IQCJ: variants seen among roughly 807,000 people sequenced by gnomAD.
IQCJ encodes the protein IQ motif containing J.
Under a neutral mutation model 11.0 loss-of-function variants are expected in IQCJ, and 9 were observed. The observed-to-expected ratio is 0.82, with a 90% CI of 0.49 to 1.43. IQCJ has a LOEUF of 1.43. IQCJ is among the 40% of genes most tolerant of loss of function. IQCJ has a pLI of 0.00. For synonymous variants in IQCJ, 55 were observed against 51.3 expected, an observed-to-expected ratio of 1.07 and a Z score of -0.31; for missense variants, 146 against 133.2, an observed-to-expected ratio of 1.10 and a Z score of -0.47.
intron 1 of IQCJ, among the ~76,000 whole-genome samples, chr3:159,224,234 C>A (rs1425611091): frequency 2.6e-5 from 4 of 151,944 alleles, no homozygotes; most frequent in Non-Finnish European, 5.9e-5. Flanking sequence ...CTCCCACTGC[C>A]CCAAAGTAGA....
chr3:159,234,231 C>T (rs1726440769), intron 1 of IQCJ, among the ~76,000 whole-genome samples: 1 of 152,146 alleles, frequency 6.6e-6, no homozygotes, highest in African/African-American at 2.4e-5. Context: ...TTTTATAAGG[C>T]TTCTGTGATA....
intron 1 of IQCJ, among the ~76,000 whole-genome samples, chr3:159,233,675 A>T (rs981052674): frequency 2.0e-5 from 3 of 152,200 alleles, no homozygotes; most frequent in African/African-American, 7.2e-5. Context: ...AAGGAGTCAC[A>T]CAGCCCAAGA....
At chr3:159,247,131 C>T (rs1369045983) in intron 2 of IQCJ, among the ~76,000 whole-genome samples, 8 of 152,194 alleles carry the variant, frequency 5.3e-5, no homozygotes, top group Admixed American at 5.2e-4. Flanking sequence ...GAGTCTCACT[C>T]TGTTGCCCAG....
At chr3:159,247,417 C>T (rs1319911294) in intron 2 of IQCJ, among the ~76,000 whole-genome samples, 1 of 152,116 alleles carries the variant, frequency 6.6e-6, no homozygotes, top group East Asian at 1.9e-4. Context: ...TTCTATGTGA[C>T]ATGGGATCCT....
At chr3:159,183,229 A>G (rs1267105588) in intron 1 of IQCJ, among the ~76,000 whole-genome samples, 1 of 152,218 alleles carries the variant, frequency 6.6e-6, no homozygotes, top group Non-Finnish European at 1.5e-5. Flanking sequence ...TTATTTTTCT[A>G]TTGCATATGT....
At chr3:159,252,055 G>C (rs2108213250) in intron 2 of IQCJ, among the ~76,000 whole-genome samples, 1 of 152,072 alleles carries the variant, frequency 6.6e-6, no homozygotes, top group Non-Finnish European at 1.5e-5. Flanking sequence ...AATATCCTTT[G>C]AATGTTTTCA....
chr3:159,159,703 T>G (rs956865720), intron 1 of IQCJ, among the ~76,000 whole-genome samples: 7 of 152,220 alleles, frequency 4.6e-5, no homozygotes, highest in South Asian at 4.1e-4. Context: ...TGACCTCTAA[T>G]GTTGGCCATG....
intron 1 of IQCJ, among the ~76,000 whole-genome samples, chr3:159,137,929 T>A (rs1228380938): frequency 6.6e-6 from 1 of 152,256 alleles, no homozygotes; most frequent in Non-Finnish European, 1.5e-5. Flanking sequence ...TTTCTGTATA[T>A]CTGTATAGCT....
chr3:159,234,194 G>C (rs1388401487), intron 1 of IQCJ, among the ~76,000 whole-genome samples: 2 of 152,098 alleles, frequency 1.3e-5, no homozygotes, highest in African/African-American at 4.8e-5. Flanking sequence ...TCCAAGAAAT[G>C]GGAATAATAA....
rs890512102 is a variant in IQCJ, at chr3:159,210,274, T to C, written c.10-35569T>C. Among the ~76,000 whole-genome samples, 4 of 152,346 alleles carry C rather than the reference T, an allele frequency of 2.6e-5. No homozygotes were observed. The East Asian group carries it at 5.8e-4, about 22-fold the overall frequency. The stretch of plus-strand genomic sequence containing the variant: ...CAACAATTTGAAACAATGTCAGTAA[T>C]AAAATGATCCTCCCCACAAATCTTT... On this transcript the variant is annotated intron_variant, in intron 1 of 3. Transcript: ENST00000397832.
At chr3:159,140,011 A>G (rs751237991) in intron 1 of IQCJ, among the ~76,000 whole-genome samples, 2 of 152,204 alleles carry the variant, frequency 1.3e-5, no homozygotes, top group Non-Finnish European at 2.9e-5. Flanking sequence ...AATTTTTTAT[A>G]GAAGTTTTAG....
At chr3:159,113,945 T>C (rs561562762) in intron 1 of IQCJ, among the ~76,000 whole-genome samples, 2 of 152,306 alleles carry the variant, frequency 1.3e-5, no homozygotes, top group African/African-American at 4.8e-5. Context: ...CATCAGACAA[T>C]AGAAAGTCAA....
In IQCJ at chr3:159,069,393, C is replaced by T; in HGVS notation, c.-40C>T. ...GGAATACAGTGTGCCAGCATCCGATCCAGTCTCCTTTCACCTGCAGGTGTT... is the reference window on the plus strand; with the variant it reads ...GGAATACAGTGTGCCAGCATCCGATTCAGTCTCCTTTCACCTGCAGGTGTT... On this transcript the variant is annotated 5_prime_UTR_variant, in exon 1 of 4. Coordinates refer to ENST00000397832, the MANE Select transcript of IQCJ (RefSeq NM_001042706.3). The T allele has an allele frequency of 6.3e-7, 1 of 1,598,492 alleles. No homozygotes were observed. The highest frequency in any genetic ancestry group is 8.5e-7 in the Non-Finnish European group (1 of 1,174,632).
intron 1 of IQCJ, among the ~76,000 whole-genome samples, chr3:159,144,271 T>A (rs1720792823): frequency 6.6e-6 from 1 of 152,196 alleles, no homozygotes; most frequent in Non-Finnish European, 1.5e-5. Flanking sequence ...CCAAGCCTCT[T>A]GAACCTTTGT....
intron 1 of IQCJ, among the ~76,000 whole-genome samples, chr3:159,234,619 C>A (rs551652309): frequency 6.6e-6 from 1 of 152,178 alleles, no homozygotes; most frequent in East Asian, 1.9e-4. Flanking sequence ...GCCTGTATAA[C>A]CCTGTCTCTA....
In IQCJ at chr3:159,245,907, A is replaced by C; in HGVS notation, c.74A>C (p.Asn25Thr). 6.5e-7 allele frequency: 1 copy of C among 1,532,684 alleles called. No homozygotes were observed. The highest frequency in any genetic ancestry group is 8.8e-7 in the Non-Finnish European group (1 of 1,131,458). 94.9% of individuals were successfully genotyped at this position (1,532,684 alleles called of 1,614,324 possible). ...AATGATGGAAAATATTCATTTGAAA[A>C]GTAAGTAAAAAGTATTAAGTTAAAT... ...QVNDGKYSFE[N>T]HQLAMDAENN... is the part of the protein sequence containing the mutation. The change falls in exon 2 of 4, where the codon AAT becomes ACT. Residue 25 changes from asparagine to threonine, a missense_variant and splice_region_variant. By Grantham distance (65) the Asn-to-Thr change is moderately conservative. Transcript: ENST00000397832.
intron 1 of IQCJ, among the ~76,000 whole-genome samples, chr3:159,213,384 C>T (rs529554679): frequency 7.2e-5 from 11 of 152,278 alleles, no homozygotes; most frequent in African/African-American, 2.6e-4. Flanking sequence ...TCACAAGCTG[C>T]ATGACTTTGG....
intron 1 of IQCJ, among the ~76,000 whole-genome samples, chr3:159,215,918 A>T (rs1725199205): frequency 6.6e-6 from 1 of 151,990 alleles, no homozygotes; most frequent in African/African-American, 2.4e-5. Context: ...GGCTGTGTTC[A>T]TGTCACCACT....
At chr3:159,122,357 T>C (rs960417640) in intron 1 of IQCJ, among the ~76,000 whole-genome samples, 1 of 152,186 alleles carries the variant, frequency 6.6e-6, no homozygotes, top group Non-Finnish European at 1.5e-5. Flanking sequence ...ACACTCAACA[T>C]TGCCACTTGG....
Sources: gnomAD v4.1 joint callset for allele counts (sites outside exome capture counted in the v4.1 genomes callset) on GRCh38, gnomAD v4.1.1 for gene constraint, MANE v1.5 for transcripts, NCBI Gene and HGNC (gene_info 2026-07-23, HGNC 2026-07-21) for gene names.